Variants in ACSBG1 observed in about 807,000 individuals in gnomAD.
The protein encoded by ACSBG1 is acyl-CoA synthetase bubblegum family member 1.
A neutral mutation model predicts 80.2 loss-of-function variants in ACSBG1; 39 were observed. The observed-to-expected ratio is 0.49, with a 90% CI of 0.38 to 0.64. ACSBG1 has a LOEUF of 0.64. Ranked by LOEUF, ACSBG1 falls within the 30% of genes least tolerant of loss-of-function variation. The pLI, the probability that ACSBG1 is intolerant of heterozygous loss-of-function variation, is 0.00. For missense variants in ACSBG1, 828 were observed against 966.4 expected (o/e 0.86, Z 1.90); for synonymous variants, 392 against 379.5 (o/e 1.03, Z -0.38).
intron 7 of ACSBG1, 144 bp from the exon 8 acceptor site, chr15:78,182,289 C>T (rs554802303): frequency 1.5e-5 from 20 of 1,318,864 alleles, no homozygotes; most frequent in Middle Eastern, 5.1e-4. Flanking sequence ...GACAGGCCTC[C>T]CCTCCCCCTT....
In ACSBG1 at chr15:78,180,880, G is replaced by A; in HGVS notation, c.1128C>T (p.Pro376=). The part of the protein sequence containing the change: ...EVEPTSHMGV[P]RVWEKIMERI... ...GCTCCATGATCTTCTCCCATACCCG[G>A]GGCACCCCCATGTGTGATGTGGGCT... Residue 376 remains proline, a synonymous_variant, in exon 9 of 14, where the codon CCC becomes CCT. Transcript: ENST00000258873. The A allele has an allele frequency of 6.2e-7, 1 of 1,614,160 alleles. No homozygotes were observed. The highest frequency in any genetic ancestry group is 8.5e-7 in the Non-Finnish European group (1 of 1,180,030).
chr15:78,222,579 C>A (rs1481486110), intron 1 of ACSBG1, among the ~76,000 whole-genome samples: 9 of 152,168 alleles, frequency 5.9e-5, no homozygotes, highest in Non-Finnish European at 1.2e-4. Context: ...AGGAAGATCA[C>A]TTGAGCCCAG....
intron 1 of ACSBG1, chr15:78,212,819 G>A: frequency 3.4e-6 from 1 of 293,238 alleles, no homozygotes; most frequent in South Asian, 2.9e-5. Context: ...ATCTGCTCCT[G>A]GGGTGGGACA....
chr15:78,199,514 C>T (rs948338130), intron 2 of ACSBG1, among the ~76,000 whole-genome samples: 6 of 152,000 alleles, frequency 3.9e-5, no homozygotes, highest in African/African-American at 1.4e-4. Context: ...AATAGAGAGA[C>T]CTTGTCTCTA....
At chr15:78,205,190 G>A (rs2075202138) in intron 2 of ACSBG1, among the ~76,000 whole-genome samples, 1 of 152,048 alleles carries the variant, frequency 6.6e-6, no homozygotes, top group Admixed American at 6.6e-5. Context: ...CCCAGTACAA[G>A]GCTGCCTTTG....
chr15:78,221,060 G>A (rs2075356067), intron 1 of ACSBG1, among the ~76,000 whole-genome samples: 4 of 152,304 alleles, frequency 2.6e-5, no homozygotes, highest in South Asian at 2.1e-4. Context: ...CCTGAAGGGG[G>A]CCCTGCCCCT....
intron 8 of ACSBG1, 32 bp downstream of exon 8, chr15:78,181,937 C>T: frequency 6.2e-7 from 1 of 1,604,196 alleles, no homozygotes; most frequent in Non-Finnish European, 8.5e-7. Context: ...GGCACACGGG[C>T]TCAGACGGAC....
intron 11 of ACSBG1, chr15:78,174,741 T>C (rs923624697): frequency 5.4e-6 from 3 of 560,290 alleles, no homozygotes; most frequent in Middle Eastern, 9.3e-4. Flanking sequence ...CAAGTTTCCC[T>C]CTCCTCGGCT....
intron 2 of ACSBG1, among the ~76,000 whole-genome samples, chr15:78,201,475 C>T (rs890558244): frequency 2.0e-5 from 3 of 152,264 alleles, no homozygotes; most frequent in Admixed American, 2.0e-4. Context: ...TCTTGCACCC[C>T]TGAGAGACTT....
At chr15:78,217,555 C>T (rs551054624) in intron 1 of ACSBG1, among the ~76,000 whole-genome samples, 1 of 143,826 alleles carries the variant, frequency 7.0e-6, no homozygotes, top group South Asian at 2.2e-4. Flanking sequence ...TCATCAGACC[C>T]TTTTGGAAAA....
chr15:78,230,627 T>G (rs1348567395), intron 1 of ACSBG1, among the ~76,000 whole-genome samples: 1 of 152,170 alleles, frequency 6.6e-6, no homozygotes, highest in East Asian at 1.9e-4. Flanking sequence ...TGGGAGGTAA[T>G]TGCATCATGG....
intron 1 of ACSBG1, among the ~76,000 whole-genome samples, chr15:78,208,325 C>T (rs2075235541): frequency 6.6e-6 from 1 of 152,148 alleles, no homozygotes; most frequent in African/African-American, 2.4e-5. Flanking sequence ...CAGCCTCCCT[C>T]CAGGCTCTAA....
At chr15:78,181,889 A>G in intron 8 of ACSBG1, 80 bp downstream of exon 8, 1 of 1,527,264 alleles carries the variant, frequency 6.5e-7, no homozygotes, top group Non-Finnish European at 8.9e-7. Context: ...ACACACACAA[A>G]TGCACTCAGG....
At chr15:78,182,863 G>A (rs2074963308) in intron 5 of ACSBG1, 78 bp from the exon 6 acceptor site, 1 of 1,526,258 alleles carries the variant, frequency 6.6e-7, no homozygotes, top group Non-Finnish European at 9.0e-7. Context: ...CTCCCTGTGT[G>A]AGTCGGCTTA....
Position 78,180,891 on chromosome 15 carries a change from T to C in ACSBG1, c.1117A>G (p.Met373Val). The C allele has an allele frequency of 1.2e-6, 2 of 1,614,216 alleles. No homozygotes were observed. The highest frequency in any genetic ancestry group is 1.7e-6 in the Non-Finnish European group (2 of 1,180,030). The part of the protein sequence containing the change: ...TLREVEPTSH[M>V]GVPRVWEKIM... ...TTCTCCCATACCCGGGGCACCCCCATGTGTGATGTGGGCTCCACCTCCCGC... is the reference window on the plus strand; with the variant it reads ...TTCTCCCATACCCGGGGCACCCCCACGTGTGATGTGGGCTCCACCTCCCGC... Residue 373 changes from methionine (M) to valine (V), a missense_variant, in exon 9 of 14, where the codon ATG becomes GTG. This residue lies in a region of ACSBG1 where 271 missense variants were observed against 375.9 expected (regional missense o/e 0.72). Transcript: ENST00000258873.
intron 1 of ACSBG1, among the ~76,000 whole-genome samples, chr15:78,208,611 G>A (rs543977141): frequency 2.0e-5 from 3 of 149,530 alleles, no homozygotes; most frequent in South Asian, 2.1e-4. Context: ...GTCCTATTCC[G>A]GCCCCCCAGT....
In ACSBG1 at chr15:78,193,947, C is replaced by T; in HGVS notation, c.527G>A (p.Gly176Asp). The T allele has an allele frequency of 6.2e-7, 1 of 1,614,000 alleles. No homozygotes were observed. The highest frequency in any genetic ancestry group is 8.5e-7 in the Non-Finnish European group (1 of 1,179,992). The change falls in exon 4 of 14, where the codon GGC (glycine) becomes GAC (aspartate). Residue 176 changes from glycine to aspartate, a missense_variant. Gly to Asp is a moderately conservative substitution (Grantham distance 94). Transcript: ENST00000258873. ...CGCCACTCACCCTGCAAATACTGTG[C>T]CCACTGCCGAGAAGAACCACTCCGG... ...NSPEWFFSAV[G>D]TVFAGGIVTG...
rs2074891173 is a variant in ACSBG1, at chr15:78,177,249, T to C, written c.1702+1365A>G. ...CGGATATCTATCCCTGTCATAAAGCTATAGAAATTAAGACACTGGGTATTG... is the reference window on the plus strand; with the variant it reads ...CGGATATCTATCCCTGTCATAAAGCCATAGAAATTAAGACACTGGGTATTG... On this transcript the variant is annotated intron_variant, in intron 11 of 13. Transcript: ENST00000258873. The surrounding 1 kb of genome is among the most constrained non-coding windows in gnomAD (Gnocchi z 4.1). Among the ~76,000 whole-genome samples, 1 of 152,166 alleles carries C rather than the reference T, an allele frequency of 6.6e-6. No homozygotes were observed. Among genetic ancestry groups the C allele is most frequent in the Admixed American group, 6.5e-5 (1 of 15,284 alleles).
At chr15:78,214,561 T>C (rs1183843510) in intron 1 of ACSBG1, among the ~76,000 whole-genome samples, 3 of 152,144 alleles carry the variant, frequency 2.0e-5, no homozygotes, top group Admixed American at 6.6e-5. Context: ...TGCCTCAGCC[T>C]CCTGAGTAGC....
Sources: allele counts gnomAD v4.1 joint callset (sites outside exome capture counted in the v4.1 genomes callset), GRCh38; gene constraint gnomAD v4.1.1; regional missense constraint gnomAD v4.1.1; non-coding constraint Gnocchi (gnomAD v3.1); transcripts MANE v1.5; gene names NCBI Gene and HGNC (gene_info 2026-07-23, HGNC 2026-07-21).